The following RFX3 variants were observed in gnomAD, a reference collection of about 807,000 sequenced individuals.
RFX3 encodes regulatory factor X3.
Under a neutral mutation model 98.6 loss-of-function variants are expected in RFX3, and 14 were observed. That is an observed-to-expected ratio of 0.14 (90% CI 0.09 to 0.22). The LOEUF (loss-of-function observed/expected upper bound fraction) is 0.22. Ranked by LOEUF, RFX3 falls within the 10% of genes least tolerant of loss-of-function variation. The probability of loss-of-function intolerance (pLI) is 1.00; values close to 1 mark genes in which losing one functional copy is unlikely to be tolerated. For missense variants in RFX3, 639 were observed against 926.9 expected (o/e 0.69, Z 4.03); for synonymous variants, 383 against 328.4 (o/e 1.17, Z -1.80).
At position 3,237,574 on chromosome 9, in the gene RFX3, G is replaced by A. The variant is rs571331865; in HGVS notation, c.1969-8685C>T. Among the ~76,000 whole-genome samples the A allele has an allele frequency of 3.9e-5, 6 of 152,264 alleles. No homozygotes were observed. In the East Asian group the frequency reaches 1.2e-3, roughly 29 times the overall value. On this transcript the variant is annotated intron_variant, in intron 15 of 16. Transcript: ENST00000617270. ...ACTTATCAGATATTTACATATTTATGGAAAGGGGAAGGAGATGGAACTAAC... is the reference window on the plus strand; with the variant it reads ...ACTTATCAGATATTTACATATTTATAGAAAGGGGAAGGAGATGGAACTAAC...
In RFX3 at chr9:3,378,899, T is replaced by C. The variant is rs538915487; in HGVS notation, c.117+16573A>G. On this transcript the variant is annotated intron_variant, in intron 2 of 16. Coordinates refer to ENST00000617270, the MANE Select transcript of RFX3 (RefSeq NM_001282116.2). ...TAAGTCTTGTTGCACTAACCTAGAA[T>C]AGAGATGCTCCATTTTGGATACATC... 5.9e-5 allele frequency among the ~76,000 whole-genome samples: 9 copies of C among 152,280 alleles called. No homozygotes were observed. The South Asian group carries it at 1.9e-3, about 32-fold the overall frequency.
At chr9:3,511,458 G>GA (rs1285749640) in intron 1 of RFX3, among the ~76,000 whole-genome samples, 1 of 151,884 alleles carries the variant, frequency 6.6e-6, no homozygotes, top group African/African-American at 2.4e-5. Context: ...CTCATTCCCT[G>GA]AAGATACTAA....
At chr9:3,490,282 A>C in intron 1 of RFX3, 1 of 963,824 alleles carries the variant, frequency 1.0e-6, no homozygotes, top group Non-Finnish European at 1.2e-6. Context: ...AAATTACCTC[A>C]TATTCCTTCC....
At chr9:3,294,727 T>C (rs997817288) in intron 5 of RFX3, among the ~76,000 whole-genome samples, 3 of 152,180 alleles carry the variant, frequency 2.0e-5, no homozygotes, top group Admixed American at 6.6e-5. Context: ...ATTAAACTTA[T>C]GTCATTAAAC....
chr9:3,239,300 ACTTTT>A (rs1423474019), intron 15 of RFX3, among the ~76,000 whole-genome samples: 3 of 152,218 alleles, frequency 2.0e-5, no homozygotes, highest in African/African-American at 4.8e-5. Context: ...TTCCTTGGTT[ACTTTT>A]CTTTGTATGT....
chr9:3,447,148 C>T (rs1846128302), intron 1 of RFX3, among the ~76,000 whole-genome samples: 1 of 151,978 alleles, frequency 6.6e-6, no homozygotes, highest in Admixed American at 6.6e-5. Context: ...TAACATGCTG[C>T]CTCATTATAG....
intron 5 of RFX3, among the ~76,000 whole-genome samples, chr9:3,299,334 G>A (rs1828367194): frequency 6.6e-6 from 1 of 151,538 alleles, no homozygotes; most frequent in East Asian, 1.9e-4. Flanking sequence ...AACTTTCCAG[G>A]GAGGAAAAAG....
At chr9:3,394,004 A>C (rs1405450913) in intron 2 of RFX3, among the ~76,000 whole-genome samples, 4 of 152,224 alleles carry the variant, frequency 2.6e-5, no homozygotes, top group Non-Finnish European at 5.9e-5. Flanking sequence ...GAATATGCTT[A>C]AAAGAAATAA....
chr9:3,251,973 C>T (rs1392036415), intron 14 of RFX3, among the ~76,000 whole-genome samples: 2 of 152,090 alleles, frequency 1.3e-5, no homozygotes, highest in South Asian at 2.1e-4. Flanking sequence ...CTCAGCCTCC[C>T]GAGTAGCTGG....
chr9:3,389,107 G>A (rs186315967), intron 2 of RFX3, among the ~76,000 whole-genome samples: 228 of 152,198 alleles, frequency 1.5e-3, no homozygotes, highest in Non-Finnish European at 2.4e-3. Flanking sequence ...TTATAATAAA[G>A]AATGAAAGTT....
At chr9:3,287,101 T>C (rs1349794511) in intron 7 of RFX3, among the ~76,000 whole-genome samples, 1 of 151,948 alleles carries the variant, frequency 6.6e-6, no homozygotes. Context: ...ACATAAGAAC[T>C]GTGTCTTATC....
chr9:3,506,139 A>G (rs1817069510), intron 1 of RFX3, among the ~76,000 whole-genome samples: 2 of 151,392 alleles, frequency 1.3e-5, no homozygotes, highest in Admixed American at 1.3e-4. Flanking sequence ...CATCATCTCG[A>G]GAGATGGTAT....
At chr9:3,435,565 T>C (rs1030256354) in intron 1 of RFX3, among the ~76,000 whole-genome samples, 4 of 151,962 alleles carry the variant, frequency 2.6e-5, no homozygotes, top group African/African-American at 9.7e-5. Context: ...GAAACCTCAT[T>C]ATGCAGTTCA....
At chr9:3,484,336 T>C (rs1850065601) in intron 1 of RFX3, among the ~76,000 whole-genome samples, 1 of 152,202 alleles carries the variant, frequency 6.6e-6, no homozygotes, top group Non-Finnish European at 1.5e-5. Context: ...ATACTAGTTA[T>C]TGTTATGAAT....
rs898847126 is a variant in RFX3, at chr9:3,360,500, A to T, written c.118-13736T>A. Among the ~76,000 whole-genome samples, 9 of 152,254 alleles carry T rather than the reference A, an allele frequency of 5.9e-5. No homozygotes were observed. The East Asian group carries it at 1.4e-3, about 23-fold the overall frequency. ...GTAATAACATTCTGTACCAGAATTT[A>T]TTCTGTCAACTGAAGGGAAAAAAAA... On this transcript the variant is annotated intron_variant, in intron 2 of 16. Coordinates refer to ENST00000617270, the MANE Select transcript of RFX3 (RefSeq NM_001282116.2).
At chr9:3,448,802 G>A (rs1846290229) in intron 1 of RFX3, among the ~76,000 whole-genome samples, 1 of 152,118 alleles carries the variant, frequency 6.6e-6, no homozygotes, top group African/African-American at 2.4e-5. Flanking sequence ...TTGCAAGTGT[G>A]AGCCACTGCA....
chr9:3,394,320 A>G (rs1029436935), intron 2 of RFX3, among the ~76,000 whole-genome samples: 5 of 152,062 alleles, frequency 3.3e-5, no homozygotes, highest in African/African-American at 1.2e-4. Context: ...AAAATTAGCC[A>G]GGCGTGGTGG....
chr9:3,329,429 C>CAAAAAAAAA (rs1056225979), intron 4 of RFX3, among the ~76,000 whole-genome samples: 3 of 108,262 alleles, frequency 2.8e-5, no homozygotes, highest in African/African-American at 1.3e-4. Flanking sequence ...AAAAAAAAAA[C>CAAAAAAAAA]AAAAAACCAC....
intron 1 of RFX3, among the ~76,000 whole-genome samples, chr9:3,507,907 G>A (rs373660000): frequency 4.3e-4 from 66 of 151,736 alleles, no homozygotes; most frequent in African/African-American, 1.3e-3. Flanking sequence ...AAAAGGGGAA[G>A]TACAGAGAAA....
Sources: allele counts gnomAD v4.1 joint callset (sites outside exome capture counted in the v4.1 genomes callset), GRCh38; gene constraint gnomAD v4.1.1; transcripts MANE v1.5; gene names NCBI Gene and HGNC (gene_info 2026-07-23, HGNC 2026-07-21).